Variants in SLC24A3 observed in about 807,000 individuals in gnomAD.
SLC24A3 encodes the protein solute carrier family 24 member 3, also known as sodium/potassium/calcium exchanger 3.
In SLC24A3, 28 loss-of-function variants were observed where a neutral mutation model predicts 75.8. That is an observed-to-expected ratio of 0.37 (90% CI 0.27 to 0.51). The LOEUF (loss-of-function observed/expected upper bound fraction) is 0.51. Ranked by LOEUF, SLC24A3 falls within the 20% of genes least tolerant of loss-of-function variation. The probability of loss-of-function intolerance (pLI) is 0.94; values close to 1 mark genes in which losing one functional copy is unlikely to be tolerated. For missense variants in SLC24A3, 663 were observed against 847.8 expected (o/e 0.78, Z 2.71); for synonymous variants, 372 against 334.1 (o/e 1.11, Z -1.24).
At chr20:19,394,502 T>A (rs1393425698) in intron 2 of SLC24A3, among the ~76,000 whole-genome samples, 1 of 151,996 alleles carries the variant, frequency 6.6e-6, no homozygotes, top group Admixed American at 6.6e-5. Context: ...AAGTCCTACA[T>A]CTAAAAGCAA....
At chr20:19,485,378 A>G (rs1011897350) in intron 2 of SLC24A3, among the ~76,000 whole-genome samples, 9 of 152,140 alleles carry the variant, frequency 5.9e-5, no homozygotes, top group Admixed American at 6.5e-5. Flanking sequence ...TTAAGTGAAA[A>G]TTGCAGTATA....
chr20:19,458,986 G>A (rs1987625521), intron 2 of SLC24A3, among the ~76,000 whole-genome samples: 1 of 152,150 alleles, frequency 6.6e-6, no homozygotes, highest in South Asian at 2.1e-4. Context: ...GAGTGGTTAA[G>A]ATAGTAGTGT....
At chr20:19,449,611 G>A (rs1987446927) in intron 2 of SLC24A3, among the ~76,000 whole-genome samples, 7 of 152,186 alleles carry the variant, frequency 4.6e-5, no homozygotes. Flanking sequence ...TCCTCTCTTT[G>A]AGCTTGAACA....
intron 2 of SLC24A3, among the ~76,000 whole-genome samples, chr20:19,390,403 G>A (rs1418534266): frequency 6.6e-6 from 1 of 152,178 alleles, no homozygotes; most frequent in African/African-American, 2.4e-5. Context: ...TGCCACTAAA[G>A]TCCTTGGTAG....
At chr20:19,342,789 C>T (rs573868073) in intron 2 of SLC24A3, among the ~76,000 whole-genome samples, 52 of 152,110 alleles carry the variant, frequency 3.4e-4, no homozygotes, top group East Asian at 9.7e-4. Context: ...AAGGCAGAAG[C>T]GCCGGGCACG....
At chr20:19,389,830 G>A (rs1261632304) in intron 2 of SLC24A3, among the ~76,000 whole-genome samples, 2 of 152,062 alleles carry the variant, frequency 1.3e-5, no homozygotes, top group East Asian at 3.9e-4. Flanking sequence ...TTAGCCTCTT[G>A]CTCTTTCTGT....
chr20:19,514,656 G>A (rs1230016473), intron 2 of SLC24A3, among the ~76,000 whole-genome samples: 1 of 152,202 alleles, frequency 6.6e-6, no homozygotes, highest in Non-Finnish European at 1.5e-5. Context: ...GTGAGAACCT[G>A]GCCCAGAAGG....
chr20:19,361,824 T>TG (rs1345063257), intron 2 of SLC24A3, among the ~76,000 whole-genome samples: 1 of 152,238 alleles, frequency 6.6e-6, no homozygotes, highest in Non-Finnish European at 1.5e-5. Flanking sequence ...ATCTAGGTGC[T>TG]GGGTAACATT....
intron 1 of SLC24A3, among the ~76,000 whole-genome samples, chr20:19,266,368 C>G (rs1432872668): frequency 6.6e-6 from 1 of 152,190 alleles, no homozygotes; most frequent in African/African-American, 2.4e-5. Flanking sequence ...AAAGGTGTTC[C>G]AGTCAGGATT....
chr20:19,515,448 G>A (rs2029967133), intron 2 of SLC24A3, 40 bp from the exon 3 acceptor site: 1 of 1,597,980 alleles, frequency 6.3e-7, no homozygotes, highest in African/African-American at 1.3e-5. Context: ...TGAAAATGTG[G>A]TCACCTGTGC....
At chr20:19,709,142 C>T (rs2032962629) in intron 15 of SLC24A3, among the ~76,000 whole-genome samples, 1 of 152,212 alleles carries the variant, frequency 6.6e-6, no homozygotes, top group Non-Finnish European at 1.5e-5. Context: ...AGGACAGCCT[C>T]TGTCTCAGAA....
intron 2 of SLC24A3, among the ~76,000 whole-genome samples, chr20:19,286,096 CTCTG>C (rs1220248677): frequency 2.0e-5 from 3 of 152,184 alleles, no homozygotes; most frequent in African/African-American, 4.8e-5. Flanking sequence ...GATCATCCCA[CTCTG>C]TCTGGCTTAG....
chr20:19,275,533 A>G (rs1983458283), intron 1 of SLC24A3, among the ~76,000 whole-genome samples: 1 of 152,078 alleles, frequency 6.6e-6, no homozygotes, highest in South Asian at 2.1e-4. Flanking sequence ...CATAGGAGAC[A>G]GTGTTAGGGT....
chr20:19,282,363 C>T lies in SLC24A3; in HGVS notation c.271+1276C>T, dbSNP rs555586364. 3.9e-5 allele frequency among the ~76,000 whole-genome samples: 6 copies of T among 152,264 alleles called. No homozygotes were observed. In the East Asian group the frequency reaches 7.7e-4, roughly 20 times the overall value. On this transcript the variant is annotated intron_variant, in intron 2 of 16. Transcript: ENST00000328041. ...TCTATGTTCCTCAACCTGGAGAATC[C>T]AAGGGTTACTGTGGCTGTTGTTCCA...
intron 2 of SLC24A3, among the ~76,000 whole-genome samples, chr20:19,302,565 C>A (rs1355481731): frequency 6.6e-6 from 1 of 152,090 alleles, no homozygotes; most frequent in Non-Finnish European, 1.5e-5. Context: ...TTTTTATTTG[C>A]CTTGTCAGGT....
intron 2 of SLC24A3, among the ~76,000 whole-genome samples, chr20:19,439,570 C>A (rs1987265231): frequency 1.3e-5 from 2 of 152,196 alleles, no homozygotes; most frequent in Admixed American, 1.3e-4. Context: ...AACTTCTTAG[C>A]ACCCCACCAA....
chr20:19,430,643 C>T (rs547545132), intron 2 of SLC24A3, among the ~76,000 whole-genome samples: 1 of 152,270 alleles, frequency 6.6e-6, no homozygotes, highest in South Asian at 2.1e-4. Flanking sequence ...TTGAGATGCT[C>T]CTGCTGCAGC....
chr20:19,499,278 T>C (rs1482210111), intron 2 of SLC24A3, among the ~76,000 whole-genome samples: 2 of 152,200 alleles, frequency 1.3e-5, no homozygotes, highest in African/African-American at 4.8e-5. Flanking sequence ...TTTAAGAAAA[T>C]ACCATACTGG....
intron 3 of SLC24A3, among the ~76,000 whole-genome samples, chr20:19,534,418 T>TGTTTG (rs2122579538): frequency 6.9e-6 from 1 of 145,382 alleles, no homozygotes; most frequent in African/African-American, 2.6e-5. Flanking sequence ...TTTTTTGTTT[T>TGTTTG]GTTTTGTTTT....
Sources: gnomAD v4.1 joint callset for allele counts (sites outside exome capture counted in the v4.1 genomes callset) on GRCh38, gnomAD v4.1.1 for gene constraint, MANE v1.5 for transcripts, NCBI Gene and HGNC (gene_info 2026-07-23, HGNC 2026-07-21) for gene names.